Variants in CD226 observed in about 807,000 individuals in gnomAD.
The protein encoded by CD226 is CD226 antigen.
Under a neutral mutation model 34.9 loss-of-function variants are expected in CD226, and 24 were observed. The ratio of observed to expected loss-of-function variants is 0.69; its 90% CI spans 0.50 to 0.97. CD226 has a LOEUF of 0.97. CD226 is among the 50% of genes least tolerant of loss of function. CD226 has a pLI of 0.00. For missense variants in CD226, 397 were observed against 412.7 expected (o/e 0.96, Z 0.33); for synonymous variants, 148 against 147.4 (o/e 1.00, Z -0.03).
intron 2 of CD226, among the ~76,000 whole-genome samples, chr18:69,898,202 A>G (rs1568178770): frequency 6.6e-6 from 1 of 152,162 alleles, no homozygotes; most frequent in South Asian, 2.1e-4. Flanking sequence ...AGAACATAAA[A>G]GAAATGAAAA....
chr18:69,866,149 T>C (rs950848515), intron 5 of CD226, among the ~76,000 whole-genome samples: 2 of 152,200 alleles, frequency 1.3e-5, no homozygotes, highest in Non-Finnish European at 2.9e-5. Context: ...AAGGCACTGA[T>C]CCCATTCACG....
chr18:69,899,642 G>T (rs1285221239), intron 2 of CD226, among the ~76,000 whole-genome samples: 2 of 152,172 alleles, frequency 1.3e-5, no homozygotes, highest in Non-Finnish European at 2.9e-5. Flanking sequence ...CTTCTCAAAA[G>T]AAGACATATA....
chr18:69,949,706 C>T (rs531411975), upstream of CD226, among the ~76,000 whole-genome samples: 1 of 151,992 alleles, frequency 6.6e-6, no homozygotes, highest in South Asian at 2.1e-4. Flanking sequence ...CACATATGCA[C>T]CCACACATGC....
chr18:69,955,879 A>AAAAG (rs2055893260), intron 1 of CD226, among the ~76,000 whole-genome samples: 1 of 151,400 alleles, frequency 6.6e-6, no homozygotes, highest in East Asian at 1.9e-4. Context: ...AAAAAAAAAA[A>AAAAG]AAAAATTTCC....
intron 2 of CD226, among the ~76,000 whole-genome samples, chr18:69,916,571 T>G (rs750972174): frequency 1.3e-5 from 2 of 152,208 alleles, no homozygotes; most frequent in Non-Finnish European, 2.9e-5. Context: ...AAAAAGTATA[T>G]TTGTTTTCCT....
intron 2 of CD226, among the ~76,000 whole-genome samples, chr18:69,946,105 G>A (rs1470915933): frequency 2.2e-5 from 3 of 137,516 alleles, no homozygotes; most frequent in African/African-American, 8.0e-5. Context: ...AATCGCTTGA[G>A]CCCAGGAGCT....
At chr18:69,956,694 C>T (rs903595140) in intron 1 of CD226, 1 of 152,126 alleles carries the variant, frequency 6.6e-6, no homozygotes, top group East Asian at 1.9e-4. Flanking sequence ...CTTTCGCACA[C>T]GATTCATTTA....
chr18:69,877,313 T>G (rs762288903), intron 3 of CD226, among the ~76,000 whole-genome samples: 1 of 152,058 alleles, frequency 6.6e-6, no homozygotes, highest in African/African-American at 2.4e-5. Context: ...GGGATACAGA[T>G]GAAGAGATTG....
intron 4 of CD226, among the ~76,000 whole-genome samples, chr18:69,872,864 G>A (rs866889466): frequency 2.0e-5 from 3 of 151,958 alleles, no homozygotes; most frequent in Middle Eastern, 3.2e-3. Flanking sequence ...CCACCCCCTC[G>A]CTGTCAGCTT....
chr18:69,873,509 CG>C (rs754014762), intron 3 of CD226, among the ~76,000 whole-genome samples: 1 of 151,534 alleles, frequency 6.6e-6, no homozygotes, highest in Non-Finnish European at 1.5e-5. Context: ...AAAGAGCATG[CG>C]TTTGCCAAAG....
chr18:69,896,555 T>C (rs1598985187), intron 2 of CD226, among the ~76,000 whole-genome samples: 1 of 152,154 alleles, frequency 6.6e-6, no homozygotes, highest in African/African-American at 2.4e-5. Flanking sequence ...GGGAGATAAA[T>C]AGAAAAGAGG....
chr18:69,889,697 A>G (rs577381207), intron 3 of CD226, among the ~76,000 whole-genome samples: 16 of 152,340 alleles, frequency 1.1e-4, no homozygotes, highest in African/African-American at 3.6e-4. Context: ...GGCAAGATTT[A>G]TAATCTGTAT....
chr18:69,950,252 ACACT>A (rs906927903), upstream of CD226, among the ~76,000 whole-genome samples: 4 of 152,060 alleles, frequency 2.6e-5, no homozygotes, highest in African/African-American at 9.7e-5. Context: ...ACACTCTCAC[ACACT>A]CTGTCTCTCT....
chr18:69,865,727 C>T (rs955078950), intron 5 of CD226, among the ~76,000 whole-genome samples: 2 of 152,120 alleles, frequency 1.3e-5, no homozygotes, highest in African/African-American at 2.4e-5. Context: ...AAAGTAACTA[C>T]TTAATAAATA....
chr18:69,910,721 G>A (rs1359549066), intron 2 of CD226, among the ~76,000 whole-genome samples: 3 of 152,196 alleles, frequency 2.0e-5, no homozygotes, highest in African/African-American at 7.2e-5. Flanking sequence ...ACAATAATGT[G>A]AGATGTTAAC....
intron 2 of CD226, among the ~76,000 whole-genome samples, chr18:69,899,226 C>T (rs1985471319): frequency 6.6e-6 from 1 of 152,172 alleles, no homozygotes; most frequent in Non-Finnish European, 1.5e-5. Context: ...CACATCATGC[C>T]ACTGCCCCTG....
intron 2 of CD226, among the ~76,000 whole-genome samples, chr18:69,936,726 C>T (rs747808809): frequency 3.3e-5 from 5 of 152,144 alleles, no homozygotes; most frequent in Non-Finnish European, 5.9e-5. Flanking sequence ...TGGCTTCATT[C>T]TCTAATCAGT....
chr18:69,853,452 T>C lies in CD226; in HGVS notation c.*10862A>G, dbSNP rs1982530150. The C allele has an allele frequency of 6.6e-6, 1 of 152,182 alleles. No individual in the cohort carries two copies. Among genetic ancestry groups the C allele is most frequent in the African/African-American group, 2.4e-5 (1 of 41,438 alleles). The allele number at this position is 152,182 out of a possible 1,614,324, so 9.4% of individuals were successfully genotyped here. On this transcript the variant is annotated 3_prime_UTR_variant, in exon 6 of 6. Coordinates refer to ENST00000582621, the MANE Select transcript of CD226 (RefSeq NM_001303618.2). Reference sequence around the variant, plus strand: ...AGCCTAATATCTAAATATATAGACATAGAACCCTTGACAATGCTTTACTTC... The same window carrying C: ...AGCCTAATATCTAAATATATAGACACAGAACCCTTGACAATGCTTTACTTC...
chr18:69,900,854 T>G (rs1568180907), intron 2 of CD226, among the ~76,000 whole-genome samples: 1 of 152,218 alleles, frequency 6.6e-6, no homozygotes, highest in South Asian at 2.1e-4. Context: ...TTATTGATTT[T>G]GGGGGAGATT....
Sources: gnomAD v4.1 joint callset for allele counts (sites outside exome capture counted in the v4.1 genomes callset) on GRCh38, gnomAD v4.1.1 for gene constraint, MANE v1.5 for transcripts, NCBI Gene and HGNC (gene_info 2026-07-23, HGNC 2026-07-21) for gene names.